Variants in EIF2AK4 observed in about 807,000 individuals in gnomAD.
EIF2AK4 encodes eIF-2-alpha kinase GCN2.
A neutral mutation model predicts 211.1 loss-of-function variants in EIF2AK4; 139 were observed. The ratio of observed to expected loss-of-function variants is 0.66; its 90% CI spans 0.57 to 0.76. The LOEUF (loss-of-function observed/expected upper bound fraction) is 0.76. Among genes scored for constraint, EIF2AK4 ranks in the 30% least tolerant of loss-of-function variants. The pLI, the probability that EIF2AK4 is intolerant of heterozygous loss-of-function variation, is 0.00. For synonymous variants in EIF2AK4, 710 were observed against 751.3 expected (o/e 0.94, Z 0.90); for missense variants, 1,664 against 2,043.8 (o/e 0.81, Z 3.58).
At chr15:40,019,710 GA>G (rs967411762) in intron 30 of EIF2AK4, among the ~76,000 whole-genome samples, 1 of 152,136 alleles carries the variant, frequency 6.6e-6, no homozygotes, top group African/African-American at 2.4e-5. Context: ...CACCATCCAT[GA>G]AAAATTTTCT....
At chr15:39,944,432 C>CTTTTTTTTTTTT (rs55669603) in intron 3 of EIF2AK4, among the ~76,000 whole-genome samples, 14 of 121,158 alleles carry the variant, frequency 1.2e-4, no homozygotes, top group East Asian at 9.7e-4. Flanking sequence ...TTAACGATCT[C>CTTTTTTTTTTTT]TTTTTTTTTT....
chr15:39,958,196 A>G (rs1198496135), intron 6 of EIF2AK4, among the ~76,000 whole-genome samples: 1 of 152,246 alleles, frequency 6.6e-6, no homozygotes, highest in African/African-American at 2.4e-5. Context: ...GTTGCTCCTC[A>G]TAAGTGGGCA....
chr15:40,020,867 C>T (rs758740249), intron 30 of EIF2AK4, 32 bp from the exon 31 acceptor site: 1 of 1,583,818 alleles, frequency 6.3e-7, no homozygotes, highest in African/African-American at 1.3e-5. Flanking sequence ...AGTCTTGCTC[C>T]TCTAACTGTA....
intron 3 of EIF2AK4, among the ~76,000 whole-genome samples, chr15:39,947,303 C>T (rs1044462181): frequency 2.6e-5 from 4 of 152,148 alleles, no homozygotes; most frequent in African/African-American, 9.7e-5. Flanking sequence ...CTTGGTATGG[C>T]ATTCACTGAT....
intron 32 of EIF2AK4, among the ~76,000 whole-genome samples, chr15:40,024,600 A>G (rs1276565530): frequency 6.7e-6 from 1 of 149,006 alleles, no homozygotes; most frequent in Non-Finnish European, 1.5e-5. Flanking sequence ...GGGTTTCACC[A>G]TGTTGGTCAG....
At chr15:39,954,908 T>G (rs1266532499) in intron 5 of EIF2AK4, among the ~76,000 whole-genome samples, 1 of 152,248 alleles carries the variant, frequency 6.6e-6, no homozygotes, top group East Asian at 1.9e-4. Context: ...GCTGCCTCAC[T>G]TTGTGACCTT....
Position 40,002,771 on chromosome 15 carries a change from G to T in EIF2AK4, c.3218G>T (p.Arg1073Leu). ...CAGCATGTGTGTGAAACCATCATCCGCATCTTTAAAAGACATGGTATGTAC... is the reference window on the plus strand; with the variant it reads ...CAGCATGTGTGTGAAACCATCATCCTCATCTTTAAAAGACATGGTATGTAC... ...MQQHVCETIIRIFKRHGAVQL... is the reference protein window; with the variant it reads ...MQQHVCETIILIFKRHGAVQL... Residue 1073 changes from arginine to leucine, a missense_variant, in exon 22 of 39, where the codon CGC becomes CTC. By Grantham distance (102) the Arg-to-Leu change is moderately radical (BLOSUM62 -2). Transcript: ENST00000263791. The T allele has an allele frequency of 6.2e-7, 1 of 1,614,134 alleles. No individual in the cohort carries two copies. Among genetic ancestry groups the T allele is most frequent in the Non-Finnish European group, 8.5e-7 (1 of 1,180,002 alleles).
intron 9 of EIF2AK4, among the ~76,000 whole-genome samples, chr15:39,971,055 AGG>A (rs2034617550): frequency 6.6e-6 from 1 of 152,208 alleles, no homozygotes; most frequent in Non-Finnish European, 1.5e-5. Flanking sequence ...TTTTAATTAT[AGG>A]TCAAGTGCTA....
chr15:40,015,391 C>A (rs551009975), intron 27 of EIF2AK4, among the ~76,000 whole-genome samples: 1 of 152,292 alleles, frequency 6.6e-6, no homozygotes, highest in South Asian at 2.1e-4. Context: ...CAAAGAGGAA[C>A]AAGTCATGTC....
intron 33 of EIF2AK4, among the ~76,000 whole-genome samples, chr15:40,027,021 T>C (rs916912709): frequency 6.6e-6 from 1 of 152,280 alleles, no homozygotes; most frequent in Non-Finnish European, 1.5e-5. Flanking sequence ...TTTATGTGAG[T>C]TATATCTATA....
intron 21 of EIF2AK4, 36 bp from the exon 22 acceptor site, chr15:40,002,677 G>C (rs757086848): frequency 2.6e-5 from 41 of 1,605,832 alleles, no homozygotes; most frequent in Admixed American, 3.3e-5. Context: ...CTTTGATAAG[G>C]CTTCAATGAT....
At chr15:40,008,519 G>A (rs745654160) in intron 25 of EIF2AK4, among the ~76,000 whole-genome samples, 35 of 152,078 alleles carry the variant, frequency 2.3e-4, no homozygotes, top group Non-Finnish European at 4.0e-4. Flanking sequence ...TCCTACACCC[G>A]ATCTCTTCAC....
chr15:39,950,019 G>A (rs2034284924), intron 4 of EIF2AK4, among the ~76,000 whole-genome samples: 1 of 151,454 alleles, frequency 6.6e-6, no homozygotes, highest in African/African-American at 2.4e-5. Flanking sequence ...TTTTTCTAAA[G>A]TTTTAAATTT....
chr15:39,988,584 G>C (rs1407064974), intron 15 of EIF2AK4, among the ~76,000 whole-genome samples: 1 of 152,136 alleles, frequency 6.6e-6, no homozygotes, highest in Non-Finnish European at 1.5e-5. Context: ...TTGAGTAGTT[G>C]CAACAGGGAC....
At chr15:40,030,330 C>G (rs1343892787) in intron 34 of EIF2AK4, 29 bp from the exon 35 acceptor site, 1 of 1,606,956 alleles carries the variant, frequency 6.2e-7, no homozygotes, top group Non-Finnish European at 8.5e-7. Flanking sequence ...CAGATAAGGC[C>G]ATAAATTCTG....
At chr15:39,949,787 G>A (rs983176960) in intron 4 of EIF2AK4, among the ~76,000 whole-genome samples, 1 of 151,910 alleles carries the variant, frequency 6.6e-6, no homozygotes, top group Admixed American at 6.6e-5. Flanking sequence ...GATAATATAT[G>A]CATCTAAATG....
chr15:40,020,769 G>A (rs1009047506), intron 30 of EIF2AK4, 130 bp from the exon 31 acceptor site: 8 of 672,646 alleles, frequency 1.2e-5, no homozygotes, highest in African/African-American at 3.8e-5. Context: ...TCTTTGGCAC[G>A]CTGTGTTTCT....
chr15:39,939,573 A>G lies in EIF2AK4; in HGVS notation c.213A>G (p.Val71=). The G allele has an allele frequency of 6.2e-7, 1 of 1,613,212 alleles. No individual in the cohort carries two copies. Among genetic ancestry groups the G allele is most frequent in the Non-Finnish European group, 8.5e-7 (1 of 1,179,440 alleles). ...PQGLTGEEVY[V]KVDLRVKCPP... ...GCCTAACTGGTGAAGAAGTATATGT[A>G]AAAGTGGATTTGAGGGTTAAATGCC... is the stretch of plus-strand genomic sequence containing the variant. The change falls in exon 2 of 39, where the codon GTA becomes GTG. Residue 71 remains valine, a synonymous_variant. Transcript: ENST00000263791.
At chr15:39,968,613 G>A (rs775001866) in intron 9 of EIF2AK4, among the ~76,000 whole-genome samples, 2 of 152,176 alleles carry the variant, frequency 1.3e-5, no homozygotes, top group Non-Finnish European at 2.9e-5. Context: ...CAGCTATCCT[G>A]CAGGAGTTGA....
Sources: allele counts gnomAD v4.1 joint callset (sites outside exome capture counted in the v4.1 genomes callset), GRCh38; gene constraint gnomAD v4.1.1; transcripts MANE v1.5; gene names NCBI Gene and HGNC (gene_info 2026-07-23, HGNC 2026-07-21).